GRM7: variants seen among roughly 807,000 people sequenced by gnomAD.
GRM7 encodes glutamate metabotropic receptor 7.
GRM7 carries 35 observed loss-of-function variants against 84.5 expected under a neutral mutation model. That is an observed-to-expected ratio of 0.41 (90% CI 0.32 to 0.55). The LOEUF (loss-of-function observed/expected upper bound fraction) is 0.55. GRM7 is among the 20% of genes least tolerant of loss of function. The pLI, the probability that GRM7 is intolerant of heterozygous loss-of-function variation, is 0.19. For missense variants in GRM7, 1,003 were observed against 1,194.6 expected (o/e 0.84, Z 2.36); for synonymous variants, 487 against 455.1 (o/e 1.07, Z -0.89).
At chr3:7,561,365 G>A in intron 7 of GRM7, 2 of 335,974 alleles carry the variant, frequency 6.0e-6, no homozygotes, top group Non-Finnish European at 1.2e-5. Flanking sequence ...AGATCCTATT[G>A]AGGGAAAGAA....
chr3:6,972,092 C>G (rs1055416822), intron 1 of GRM7, among the ~76,000 whole-genome samples: 1 of 152,086 alleles, frequency 6.6e-6, no homozygotes, highest in Non-Finnish European at 1.5e-5. Flanking sequence ...AGCTGAATGT[C>G]TGTCATCATT....
At chr3:7,534,951 T>C (rs970316481) in intron 7 of GRM7, among the ~76,000 whole-genome samples, 7 of 152,190 alleles carry the variant, frequency 4.6e-5, no homozygotes, top group Admixed American at 4.6e-4. Flanking sequence ...AGAATGTACA[T>C]GCGAGCTATT....
At chr3:7,287,671 A>T (rs1699476547) in intron 2 of GRM7, among the ~76,000 whole-genome samples, 2 of 152,108 alleles carry the variant, frequency 1.3e-5, no homozygotes, top group Non-Finnish European at 2.9e-5. Flanking sequence ...AGCTGGATTT[A>T]TTTGTTTCCA....
intron 2 of GRM7, among the ~76,000 whole-genome samples, chr3:7,166,390 A>G (rs1430020755): frequency 2.0e-5 from 3 of 152,198 alleles, no homozygotes; most frequent in Non-Finnish European, 4.4e-5. Context: ...ACCTTTTTCC[A>G]TGATAGGATT....
At chr3:6,886,083 A>G (rs1695681242) in intron 1 of GRM7, among the ~76,000 whole-genome samples, 1 of 140,408 alleles carries the variant, frequency 7.1e-6, no homozygotes, top group East Asian at 2.0e-4. Context: ...CTATTGCCAC[A>G]CATAGTTACC....
chr3:7,144,207 T>C (rs1694037513), intron 1 of GRM7, among the ~76,000 whole-genome samples: 1 of 152,200 alleles, frequency 6.6e-6, no homozygotes. Flanking sequence ...CAAAGCATCG[T>C]ACTTGTGAGT....
intron 8 of GRM7, among the ~76,000 whole-genome samples, chr3:7,618,047 A>G (rs538412571): frequency 2.0e-5 from 3 of 152,266 alleles, no homozygotes; most frequent in South Asian, 2.1e-4. Context: ...AGAAATACCT[A>G]TAGCACAGAA....
chr3:7,729,456 CAT>C (rs1702234832), intron 9 of GRM7, among the ~76,000 whole-genome samples: 1 of 152,168 alleles, frequency 6.6e-6, no homozygotes, highest in Non-Finnish European at 1.5e-5. Flanking sequence ...GGAGAAAGTA[CAT>C]GTGTTAGAGA....
chr3:7,556,492 G>A (rs1042339920), intron 7 of GRM7, among the ~76,000 whole-genome samples: 2 of 152,102 alleles, frequency 1.3e-5, no homozygotes, highest in African/African-American at 4.8e-5. Flanking sequence ...TATGCTACCT[G>A]CTATGAGGGG....
intron 9 of GRM7, among the ~76,000 whole-genome samples, chr3:7,717,705 G>A (rs1241792647): frequency 6.6e-6 from 1 of 152,168 alleles, no homozygotes; most frequent in Non-Finnish European, 1.5e-5. Flanking sequence ...GGAAGGGAGA[G>A]TCTCCAGTAC....
At chr3:7,086,742 T>C (rs143924550) in intron 1 of GRM7, among the ~76,000 whole-genome samples, 609 of 152,196 alleles carry the variant, frequency 4.0e-3, no homozygotes, top group Middle Eastern at 0.01. Flanking sequence ...ATAAAGAAAA[T>C]AAAGAGCTAG....
chr3:6,872,276 T>G, intron 1 of GRM7, among the ~76,000 whole-genome samples: 1 of 152,232 alleles, frequency 6.6e-6, no homozygotes, highest in Non-Finnish European at 1.5e-5. Context: ...AAAAACTCTA[T>G]TATATGAGGC....
At position 7,306,490 on chromosome 3, in the gene GRM7, T is replaced by C; in HGVS notation, c.879-8T>C. ...CATTAATATAACTTTCCATATTTCT[T>C]TCCACAGGCAGATCCTTGCAGCAGC... is the stretch of plus-strand genomic sequence containing the variant. On this transcript the variant is annotated splice_region_variant and splice_polypyrimidine_tract_variant and intron_variant, in intron 3 of 9. Coordinates refer to ENST00000357716, the MANE Select transcript of GRM7 (RefSeq NM_000844.4). The C allele has an allele frequency of 6.2e-7, 1 of 1,612,796 alleles. No individual in the cohort carries two copies. The highest frequency in any genetic ancestry group is 1.1e-5 in the South Asian group (1 of 91,042).
intron 7 of GRM7, among the ~76,000 whole-genome samples, chr3:7,541,208 T>G (rs1692867325): frequency 6.6e-6 from 1 of 152,140 alleles, no homozygotes; most frequent in Admixed American, 6.5e-5. Context: ...AATATGGCAT[T>G]AGGTGAAACC....
chr3:7,360,724 T>C (rs1693624076), intron 4 of GRM7, among the ~76,000 whole-genome samples: 1 of 152,140 alleles, frequency 6.6e-6, no homozygotes, highest in Admixed American at 6.6e-5. Context: ...TTGGGACACA[T>C]GTCATGGCTA....
intron 1 of GRM7, among the ~76,000 whole-genome samples, chr3:7,086,083 T>G (rs1338214777): frequency 6.6e-6 from 1 of 152,146 alleles, no homozygotes; most frequent in Non-Finnish European, 1.5e-5. Flanking sequence ...GTGATACTAA[T>G]ATGTCTAATG....
intron 4 of GRM7, among the ~76,000 whole-genome samples, chr3:7,354,592 C>A (rs1442612811): frequency 4.6e-5 from 7 of 152,128 alleles, no homozygotes; most frequent in South Asian, 2.1e-4. Context: ...ATTAGTGTCA[C>A]CATCAAGGAC....
chr3:7,231,022 A>T (rs1331940967), intron 2 of GRM7, among the ~76,000 whole-genome samples: 1 of 152,120 alleles, frequency 6.6e-6, no homozygotes, highest in Non-Finnish European at 1.5e-5. Context: ...ATAGGGTTAC[A>T]TTTGGAGCTA....
chr3:7,277,682 A>G (rs999843116), intron 2 of GRM7, among the ~76,000 whole-genome samples: 10 of 152,172 alleles, frequency 6.6e-5, no homozygotes, highest in African/African-American at 2.2e-4. Context: ...AAGAAGAAAC[A>G]GTTGTTCCTG....
Sources: allele counts gnomAD v4.1 joint callset (sites outside exome capture counted in the v4.1 genomes callset), GRCh38; gene constraint gnomAD v4.1.1; transcripts MANE v1.5; gene names NCBI Gene and HGNC (gene_info 2026-07-23, HGNC 2026-07-21).